Variants in CNKSR2 observed in about 807,000 individuals in gnomAD.
The protein encoded by CNKSR2 is connector enhancer of kinase suppressor of Ras 2, also known as CNK homolog protein 2.
In CNKSR2, 14 loss-of-function variants were observed where a neutral mutation model predicts 84.4. That is an observed-to-expected ratio of 0.17 (90% confidence interval 0.11 to 0.26). The LOEUF is 0.26. CNKSR2 is among the 10% of genes least tolerant of loss of function. CNKSR2 has a pLI of 1.00. For synonymous variants in CNKSR2, 275 were observed against 277.9 expected, an observed-to-expected ratio of 0.99 and a Z score of 0.10; for missense variants, 485 against 771.2, an observed-to-expected ratio of 0.63 and a Z score of 4.40.
At chrX:21,468,123 T>C (rs184792861) in intron 4 of CNKSR2, among the ~76,000 whole-genome samples, 19 of 110,865 alleles carry the variant, frequency 1.7e-4, no homozygotes, top group African/African-American at 5.6e-4. Flanking sequence ...TTTTAACTTA[T>C]TTGTGTGAAT....
intron 13 of CNKSR2, among the ~76,000 whole-genome samples, chrX:21,587,405 G>A (rs924664054): frequency 9.0e-6 from 1 of 111,694 alleles, no homozygotes; most frequent in South Asian, 3.7e-4. Context: ...ATACATGAAT[G>A]AGATATATTA....
intron 11 of CNKSR2, among the ~76,000 whole-genome samples, chrX:21,553,778 T>C (rs2092114559): frequency 8.9e-6 from 1 of 111,869 alleles, no homozygotes. Context: ...CTAAAATTTT[T>C]AAAACTAGAC....
Position 21,609,318 on chromosome X carries a change from C to A in CNKSR2, c.2393C>A (p.Ala798Glu). 2 of 1,211,476 alleles carry A rather than the reference C, an allele frequency of 1.7e-6. No homozygotes were observed. Among genetic ancestry groups the A allele is most frequent in the Non-Finnish European group, 2.2e-6 (2 of 895,328 alleles). Residue 798 changes from alanine to glutamate, a missense_variant, in exon 20 of 22, where the codon GCG becomes GAG. By Grantham distance (107) the Ala-to-Glu change is moderately radical. Transcript: ENST00000379510. ...GAGGATTCTGTCTTCTCTGACTCCG[C>A]GGCCATCTCCCCAGAGCACAGGCGG... ...PLEDSVFSDS[A>E]AISPEHRRQS...
chrX:21,527,240 AAAG>A (rs1347068198), intron 10 of CNKSR2, among the ~76,000 whole-genome samples: 46 of 110,772 alleles, frequency 4.2e-4, no homozygotes, highest in Admixed American at 7.8e-4. Context: ...TCATAATAGG[AAAG>A]AAGAAGAAAG....
intron 4 of CNKSR2, among the ~76,000 whole-genome samples, chrX:21,454,906 G>T (rs1476968359): frequency 8.9e-6 from 1 of 111,832 alleles, no homozygotes; most frequent in Non-Finnish European, 1.9e-5. Flanking sequence ...TAAATGACCT[G>T]CAAAGTTATG....
intron 4 of CNKSR2, among the ~76,000 whole-genome samples, chrX:21,448,038 A>G (rs889472407): frequency 9.0e-6 from 1 of 111,495 alleles, no homozygotes; most frequent in Non-Finnish European, 1.9e-5. Context: ...GTGGGAAAAA[A>G]TGCATGTAAT....
chrX:21,635,946 C>T (rs991455448), intron 20 of CNKSR2, among the ~76,000 whole-genome samples: 1 of 111,161 alleles, frequency 9.0e-6, no homozygotes, highest in Non-Finnish European at 1.9e-5. Context: ...ACATTTTTAC[C>T]ACCCAGTCAT....
At chrX:21,606,246 A>G (rs910661723) in intron 18 of CNKSR2, among the ~76,000 whole-genome samples, 15 of 112,174 alleles carry the variant, frequency 1.3e-4, no homozygotes, top group Admixed American at 1.3e-3. Flanking sequence ...ATGGTGTTAT[A>G]GAGATTCATG....
rs368201197 is a variant in CNKSR2 at position 21,490,590 on chromosome X, C to T, written c.681+12C>T. ...CAAGCGAAGGGCTGGTAAGAGATAC[C>T]ATGTTTATCAAAACCACCATCCATC... On this transcript the variant is annotated intron_variant, in intron 6 of 21. Transcript: ENST00000379510. The T allele has an allele frequency of 1.7e-6, 2 of 1,199,487 alleles. No homozygotes were observed. The highest frequency in any genetic ancestry group is 3.5e-5 in the African/African-American group (2 of 56,830).
At chrX:21,529,125 A>T (rs1380255057) in intron 10 of CNKSR2, among the ~76,000 whole-genome samples, 3 of 111,271 alleles carry the variant, frequency 2.7e-5, no homozygotes, top group Non-Finnish European at 5.7e-5. Flanking sequence ...ATGGCAAATA[A>T]TAAAACCTCT....
At chrX:21,442,408 C>A (rs910048789) in intron 4 of CNKSR2, among the ~76,000 whole-genome samples, 4 of 111,713 alleles carry the variant, frequency 3.6e-5, no homozygotes, top group African/African-American at 1.3e-4. Flanking sequence ...TGCCATGATG[C>A]CTTCCTTAAT....
At chrX:21,565,059 C>A (rs1461062675) in intron 13 of CNKSR2, among the ~76,000 whole-genome samples, 1 of 111,359 alleles carries the variant, frequency 9.0e-6, no homozygotes, top group African/African-American at 3.3e-5. Context: ...ATACCCTGAA[C>A]AAAAGTTTGA....
intron 4 of CNKSR2, among the ~76,000 whole-genome samples, chrX:21,452,771 A>ATTTTATT (rs2090951366): frequency 2.1e-5 from 2 of 96,980 alleles, no homozygotes; most frequent in African/African-American, 7.6e-5. Flanking sequence ...ATTTTATTTT[A>ATTTTATT]TTTTATTTTA....
chrX:21,422,250 C>T (rs1374348654), intron 1 of CNKSR2: 1 of 111,557 alleles, frequency 9.0e-6, no homozygotes, highest in Admixed American at 9.5e-5. Flanking sequence ...CGCCTAATCC[C>T]ATGGTGCCCA....
intron 20 of CNKSR2, among the ~76,000 whole-genome samples, chrX:21,620,891 G>C (rs941107627): frequency 2.7e-5 from 3 of 111,258 alleles, no homozygotes; most frequent in Non-Finnish European, 5.7e-5. Flanking sequence ...GAAGTGTTTA[G>C]GAAGAGGCTG....
At position 21,635,270 on chromosome X, in the gene CNKSR2, A is replaced by G. The variant is rs748183875; in HGVS notation, c.2693-13561A>G. Among the ~76,000 whole-genome samples the G allele has an allele frequency of 1.7e-4, 18 of 108,938 alleles. No individual in the cohort carries two copies. In the South Asian group the frequency reaches 6.6e-3, roughly 40 times the overall value. The allele number at this position is 108,938 out of a possible 115,157, so 94.6% of individuals were successfully genotyped here. A position where few individuals can be genotyped will look rare whatever the true frequency, so the allele number is the denominator to read the frequency against. On this transcript the variant is annotated intron_variant, in intron 20 of 21. Coordinates refer to ENST00000379510, the MANE Select transcript of CNKSR2 (RefSeq NM_014927.5). ...TCTGCTTACTCTTTCTGAGCTTGCAATATTATAAAGATGGTAATATTGATT... is the reference window on the plus strand; with the variant it reads ...TCTGCTTACTCTTTCTGAGCTTGCAGTATTATAAAGATGGTAATATTGATT...
intron 5 of CNKSR2, among the ~76,000 whole-genome samples, chrX:21,484,289 TCAAAA>T (rs113032601): frequency 0.018 from 2,011 of 110,826 alleles, 22 homozygotes; most frequent in Middle Eastern, 0.037. Context: ...AGACTTCGTT[TCAAAA>T]CAAAACAAAA....
chrX:21,381,803 C>T (rs758627843), intron 1 of CNKSR2, among the ~76,000 whole-genome samples: 43 of 111,835 alleles, frequency 3.8e-4, no homozygotes, highest in Non-Finnish European at 6.6e-4. Flanking sequence ...AAGTCTTACT[C>T]ACCCTTCACG....
chrX:21,388,157 C>T (rs931037980), intron 1 of CNKSR2, among the ~76,000 whole-genome samples: 5 of 111,539 alleles, frequency 4.5e-5, no homozygotes, highest in African/African-American at 1.6e-4. Flanking sequence ...CCTCAGCCTC[C>T]CAAAGTGCTG....
Sources: allele counts gnomAD v4.1 joint callset (sites outside exome capture counted in the v4.1 genomes callset), GRCh38; gene constraint gnomAD v4.1.1; transcripts MANE v1.5; gene names NCBI Gene and HGNC (gene_info 2026-07-23, HGNC 2026-07-21).